The following AK7 variants were observed in gnomAD, a reference collection of about 807,000 sequenced individuals.
AK7 encodes the protein ATP-AMP transphosphorylase 7.
In AK7, 78 loss-of-function variants were observed where a neutral mutation model predicts 96.6. That is an observed-to-expected ratio of 0.81 (90% CI 0.67 to 0.97). The LOEUF (loss-of-function observed/expected upper bound fraction) is 0.97, where lower values mean the gene tolerates loss of function less well. Among genes scored for constraint, AK7 ranks in the 50% least tolerant of loss-of-function variants. AK7 has a pLI of 0.00. For synonymous variants in AK7, 302 were observed against 317.2 expected (o/e 0.95, Z 0.51); for missense variants, 855 against 887.9 (o/e 0.96, Z 0.47).
At chr14:96,393,918 G>C (rs996686944) in intron 1 of AK7, among the ~76,000 whole-genome samples, 1 of 152,020 alleles carries the variant, frequency 6.6e-6, no homozygotes, top group African/African-American at 2.4e-5. Flanking sequence ...AGACCAGCCT[G>C]GCCAACATAG....
In AK7 at chr14:96,488,567, A is replaced by T; in HGVS notation, c.*224A>T. 2.2e-6 allele frequency: 1 copy of T among 445,038 alleles called. No individual in the cohort carries two copies. Among genetic ancestry groups the T allele is most frequent in the South Asian group, 3.9e-5 (1 of 25,578 alleles). 27.6% of individuals were successfully genotyped at this position (445,038 alleles called of 1,614,324 possible). On this transcript the variant is annotated 3_prime_UTR_variant, in exon 18 of 18. Coordinates refer to ENST00000267584, the MANE Select transcript of AK7 (RefSeq NM_152327.5). ...TAAAGACATTTGTGCATAGCTCATGAGACAAATACTGATTTAATATTTTAT... is the reference window on the plus strand; with the variant it reads ...TAAAGACATTTGTGCATAGCTCATGTGACAAATACTGATTTAATATTTTAT...
rs1421291103 is a variant in AK7 at position 96,458,232 on chromosome 14, G to C, written c.1357+20G>C. On this transcript the variant is annotated intron_variant, in intron 12 of 17. Transcript: ENST00000267584. ...ATGCAGGTAACACACACCCAGCAGA[G>C]AGCCACGCTGCTCTTGTGAACAGTG... The C allele has an allele frequency of 6.2e-7, 1 of 1,611,656 alleles. No individual in the cohort carries two copies.
At chr14:96,424,014 C>G in intron 5 of AK7, 4 of 782,696 alleles carry the variant, frequency 5.1e-6, no homozygotes, top group Non-Finnish European at 9.2e-6. Flanking sequence ...CCGGGTCTGT[C>G]AAGACCCAGG....
chr14:96,448,685 G>A (rs1210117417), intron 8 of AK7, among the ~76,000 whole-genome samples: 1 of 147,862 alleles, frequency 6.8e-6, no homozygotes, highest in Admixed American at 6.8e-5. Flanking sequence ...GCCAGGTGTG[G>A]TAACTCACAC....
chr14:96,396,671 CTTA>C (rs1315866241), intron 1 of AK7, among the ~76,000 whole-genome samples: 1 of 151,978 alleles, frequency 6.6e-6, no homozygotes, highest in Non-Finnish European at 1.5e-5. Context: ...TTTATATATG[CTTA>C]ATAGATAAAT....
chr14:96,470,061 A>G (rs556665345), intron 12 of AK7, among the ~76,000 whole-genome samples: 2 of 151,890 alleles, frequency 1.3e-5, no homozygotes, highest in African/African-American at 4.8e-5. Context: ...CAGGTAATCC[A>G]CCCACCTTGG....
intron 15 of AK7, among the ~76,000 whole-genome samples, chr14:96,482,562 AT>A (rs1447501497): frequency 6.6e-6 from 1 of 151,690 alleles, no homozygotes; most frequent in Non-Finnish European, 1.5e-5. Flanking sequence ...TGAAATGGTT[AT>A]TTTTTTATGA....
At chr14:96,396,733 C>T (rs74778480) in intron 1 of AK7, among the ~76,000 whole-genome samples, 9,368 of 152,102 alleles carry the variant, frequency 0.062, 392 homozygotes, top group African/African-American at 0.11. Context: ...GACATATAAA[C>T]GAATGAAACT....
chr14:96,474,815 A>T (rs1478954741), intron 14 of AK7, among the ~76,000 whole-genome samples: 1 of 152,172 alleles, frequency 6.6e-6, no homozygotes, highest in Non-Finnish European at 1.5e-5. Context: ...TTTCAGTTCA[A>T]CTGGCAATTG....
intron 12 of AK7, among the ~76,000 whole-genome samples, chr14:96,462,013 A>G (rs892413015): frequency 6.6e-6 from 1 of 152,172 alleles, no homozygotes; most frequent in Non-Finnish European, 1.5e-5. Flanking sequence ...ACCACACAGA[A>G]CAAGAATTGG....
At chr14:96,410,996 G>T (rs1055874853) in intron 4 of AK7, among the ~76,000 whole-genome samples, 9 of 152,012 alleles carry the variant, frequency 5.9e-5, no homozygotes, top group African/African-American at 2.2e-4. Flanking sequence ...GTGAGACCCT[G>T]CCTCAAATAA....
At chr14:96,450,156 C>T (rs1473295672) in intron 9 of AK7, among the ~76,000 whole-genome samples, 3 of 152,022 alleles carry the variant, frequency 2.0e-5, no homozygotes, top group Admixed American at 6.6e-5. Context: ...GTGATTCACG[C>T]CTATAATCCC....
intron 4 of AK7, among the ~76,000 whole-genome samples, chr14:96,420,097 G>C (rs532838732): frequency 2.0e-5 from 3 of 151,534 alleles, no homozygotes; most frequent in Non-Finnish European, 4.4e-5. Flanking sequence ...AACTCCAGAC[G>C]TCAGGTAATC....
intron 14 of AK7, among the ~76,000 whole-genome samples, chr14:96,472,974 C>T (rs890093367): frequency 4.6e-5 from 7 of 151,842 alleles, no homozygotes; most frequent in African/African-American, 1.2e-4. Flanking sequence ...CCTAGCTACT[C>T]GGGAGGCTAA....
chr14:96,451,460 G>C lies in AK7; in HGVS notation c.988G>C (p.Glu330Gln). Residue 330 changes from glutamate (E) to glutamine (Q), a missense_variant, in exon 10 of 18, where the codon GAA becomes CAA. Transcript: ENST00000267584. Reference sequence around the variant, plus strand: ...CCATTTACTGGTCAACTTAAGAATGGAAGCGCTCTTTGTGAAGGAGAATTT... The same window carrying C: ...CCATTTACTGGTCAACTTAAGAATGCAAGCGCTCTTTGTGAAGGAGAATTT... ...LDHLLVNLRM[E>Q]ALFVKENFNI... is the part of the protein sequence containing the mutation. The C allele has an allele frequency of 6.3e-7, 1 of 1,595,850 alleles. No individual in the cohort carries two copies. The highest frequency in any genetic ancestry group is 8.5e-7 in the Non-Finnish European group (1 of 1,170,386).
chr14:96,479,385 CTT>C (rs59937453), intron 15 of AK7, among the ~76,000 whole-genome samples: 14 of 140,720 alleles, frequency 9.9e-5, no homozygotes, highest in East Asian at 4.2e-4. Flanking sequence ...CCGACAAACT[CTT>C]TTTTTTTTTT....
At chr14:96,435,886 C>A (rs766042535) in intron 5 of AK7, among the ~76,000 whole-genome samples, 1 of 151,996 alleles carries the variant, frequency 6.6e-6, no homozygotes, top group African/African-American at 2.4e-5. Context: ...CAGAGATGCT[C>A]TCCTGCTGGT....
intron 2 of AK7, among the ~76,000 whole-genome samples, chr14:96,403,052 G>T (rs1020754739): frequency 6.6e-6 from 1 of 151,862 alleles, no homozygotes; most frequent in African/African-American, 2.4e-5. Context: ...GGAGGTGGAG[G>T]TTGCAGTGAG....
chr14:96,480,293 G>A (rs1020908871), intron 15 of AK7, among the ~76,000 whole-genome samples: 4 of 152,048 alleles, frequency 2.6e-5, no homozygotes, highest in Non-Finnish European at 4.4e-5. Flanking sequence ...TTAGCTGGGC[G>A]TGGTGGTGTG....
Sources: allele counts gnomAD v4.1 joint callset (sites outside exome capture counted in the v4.1 genomes callset), GRCh38; gene constraint gnomAD v4.1.1; transcripts MANE v1.5; gene names NCBI Gene and HGNC (gene_info 2026-07-23, HGNC 2026-07-21).